LSM1: variants seen among roughly 807,000 people sequenced by gnomAD.
LSM1 encodes LSM1 homolog, mRNA degradation associated, also known as U6 snRNA-associated Sm-like protein LSm1.
LSM1 carries 13 observed loss-of-function variants against 18.0 expected under a neutral mutation model. That is an observed-to-expected ratio of 0.72 (90% CI 0.47 to 1.15). The LOEUF is 1.15. LSM1 is among the 50% of genes most tolerant of loss of function. The pLI is 0.00. For missense variants in LSM1, 152 were observed against 157.7 expected, an observed-to-expected ratio of 0.96 and a Z score of 0.19; for synonymous variants, 46 against 56.0, an observed-to-expected ratio of 0.82 and a Z score of 0.80.
chr8:38,171,389 A>G (rs766264747), intron 2 of LSM1, among the ~76,000 whole-genome samples: 1 of 152,202 alleles, frequency 6.6e-6, no homozygotes, highest in Non-Finnish European at 1.5e-5. Flanking sequence ...ACACCAAGGG[A>G]CTGTCCTAAA....
chr8:38,172,261 G>C (rs930082537), intron 1 of LSM1, among the ~76,000 whole-genome samples: 26 of 151,692 alleles, frequency 1.7e-4, no homozygotes, highest in African/African-American at 5.8e-4. Flanking sequence ...ACAGGGCGTG[G>C]CACCAGGAAG....
intron 2 of LSM1, among the ~76,000 whole-genome samples, chr8:38,170,332 G>A (rs936865969): frequency 5.3e-5 from 8 of 152,110 alleles, no homozygotes; most frequent in Non-Finnish European, 2.9e-5. Context: ...CCACAGTGCC[G>A]GGCCCCCAAG....
chr8:38,171,484 T>A (rs1181180036), intron 2 of LSM1, among the ~76,000 whole-genome samples: 1 of 152,188 alleles, frequency 6.6e-6, no homozygotes, highest in Non-Finnish European at 1.5e-5. Context: ...CTGGCCAACA[T>A]GGCGAAACCC....
rs151088048 is a variant in LSM1 at position 38,167,618 on chromosome 8, C to T, written c.231+2184G>A. Among the ~76,000 whole-genome samples, 145 of 152,286 alleles carry T rather than the reference C, an allele frequency of 9.5e-4. 1 individual carries two copies. The highest frequency in any genetic ancestry group is 3.3e-3 in the African/African-American group (137 of 41,546). ...CCTCCCAAAGTACTGGGATTACAGA[C>T]GTGAGCCACTGCACCCACCCCAGTA... On this transcript the variant is annotated intron_variant, in intron 3 of 3. Transcript: ENST00000311351.
At chr8:38,176,249 C>A (rs755722694) in intron 1 of LSM1, 26 bp downstream of exon 1, 1 of 1,610,134 alleles carries the variant, frequency 6.2e-7, no homozygotes, top group Non-Finnish European at 8.5e-7. Context: ...ACCCCGGGCT[C>A]CACCGGGAGG....
At chr8:38,173,471 A>G (rs1233521769) in intron 1 of LSM1, among the ~76,000 whole-genome samples, 1 of 152,146 alleles carries the variant, frequency 6.6e-6, no homozygotes, top group Admixed American at 6.5e-5. Context: ...GGGAAAGAAC[A>G]GTAGATAAAG....
In LSM1 at chr8:38,163,748, T is replaced by C; in HGVS notation, c.324A>G (p.Glu108=). The C allele has an allele frequency of 6.2e-7, 1 of 1,614,182 alleles. No homozygotes were observed. Among genetic ancestry groups the C allele is most frequent in the South Asian group, 1.1e-5 (1 of 91,078 alleles). Residue 108 remains glutamate, a synonymous_variant, in exon 4 of 4, where the codon GAA becomes GAG. Transcript: ENST00000311351. ...GGGCCTGCACTTTCAACTTCTCTGCTTCCAGCTTGGTCTGCTGTTCCACCC... is the reference window on the plus strand; with the variant it reads ...GGGCCTGCACTTTCAACTTCTCTGCCTCCAGCTTGGTCTGCTGTTCCACCC... ...EQRVEQQTKL[E]AEKLKVQALK...
intron 1 of LSM1, among the ~76,000 whole-genome samples, chr8:38,174,245 C>G (rs766883258): frequency 6.6e-6 from 1 of 151,854 alleles, no homozygotes; most frequent in Non-Finnish European, 1.5e-5. Flanking sequence ...GATGGATAGA[C>G]AGTAACACAT....
upstream of LSM1, chr8:38,176,565 C>T: frequency 1.7e-6 from 1 of 576,742 alleles, no homozygotes; most frequent in Non-Finnish European, 3.1e-6. Flanking sequence ...TTGGGGGACA[C>T]CCTTTCCCTG....
At chr8:38,171,408 G>A (rs1803028099) in intron 2 of LSM1, among the ~76,000 whole-genome samples, 1 of 152,192 alleles carries the variant, frequency 6.6e-6, no homozygotes, top group Non-Finnish European at 1.5e-5. Flanking sequence ...AAACCATGAG[G>A]AGCAGAACAA....
Position 38,163,540 on chromosome 8 carries a change from A to T in LSM1, c.*130T>A. On this transcript the variant is annotated 3_prime_UTR_variant, in exon 4 of 4. Transcript: ENST00000311351. ...CGATTTCTTCATGTTGCATATGTAA[A>T]ATAATTAAAAATAAAAGTGACTTTT... is the stretch of plus-strand genomic sequence containing the variant. 1.3e-6 allele frequency: 1 copy of T among 761,246 alleles called. No homozygotes were observed. Among genetic ancestry groups the T allele is most frequent in the Non-Finnish European group, 2.0e-6 (1 of 489,080 alleles). The allele number at this position is 761,246 out of a possible 1,614,324, so 47.2% of individuals were successfully genotyped here.
intron 1 of LSM1, among the ~76,000 whole-genome samples, chr8:38,173,157 T>A (rs967905192): frequency 6.6e-6 from 1 of 152,170 alleles, no homozygotes; most frequent in Admixed American, 6.5e-5. Flanking sequence ...TTTCATTCCA[T>A]GCCTAAAGTA....
intron 3 of LSM1, among the ~76,000 whole-genome samples, chr8:38,165,119 C>T (rs766662181): frequency 1.3e-5 from 2 of 152,040 alleles, no homozygotes; most frequent in African/African-American, 4.8e-5. Context: ...GAAGCCGAGG[C>T]GGGCAGATCA....
At chr8:38,175,045 G>A (rs375073253) in intron 1 of LSM1, among the ~76,000 whole-genome samples, 126 of 124,816 alleles carry the variant, frequency 1.0e-3, no homozygotes, top group Middle Eastern at 8.4e-3. Context: ...AAAAAAAAAA[G>A]AAAAGAAAAG....
At chr8:38,165,329 G>C (rs1049365300) in intron 3 of LSM1, among the ~76,000 whole-genome samples, 3 of 151,714 alleles carry the variant, frequency 2.0e-5, no homozygotes, top group Non-Finnish European at 4.4e-5. Context: ...CTCTAGCCTG[G>C]GTGACAAGAG....
chr8:38,175,004 C>T (rs1335520100), intron 1 of LSM1, among the ~76,000 whole-genome samples: 1 of 118,252 alleles, frequency 8.5e-6, no homozygotes, highest in Non-Finnish European at 1.7e-5. Flanking sequence ...ACAGCCTGGG[C>T]GACAGAGCAA....
intron 1 of LSM1, chr8:38,175,961 C>G: frequency 3.3e-6 from 1 of 306,966 alleles, no homozygotes; most frequent in Non-Finnish European, 6.1e-6. Context: ...GAGAAGCCCC[C>G]CCCCTCCCCG....
intron 3 of LSM1, 57 bp downstream of exon 3, chr8:38,169,745 A>C: frequency 1.0e-6 from 1 of 978,982 alleles, no homozygotes; most frequent in Non-Finnish European, 1.6e-6. Flanking sequence ...AGACAAAAAA[A>C]GAAGTCTAAC....
chr8:38,169,893 A>G lies in LSM1; in HGVS notation c.140T>C (p.Val47Ala). 6 of 1,612,592 alleles carry G rather than the reference A, an allele frequency of 3.7e-6. 1 individual carries two copies. In the South Asian group the frequency reaches 6.6e-5, roughly 18 times the overall value. Residue 47 changes from valine to alanine, a missense_variant, in exon 3 of 4, where the codon GTG becomes GCG. Physicochemically the swap from Val to Ala is moderately conservative, Grantham distance 64. Transcript: ENST00000311351. ...TTTTTTGCCCACATGAATACGCTCC[A>G]CAGTCTGATGTAGCACTAAGTTTGC... ...QFANLVLHQT[V>A]ERIHVGKKYG...
Sources: allele counts gnomAD v4.1 joint callset (sites outside exome capture counted in the v4.1 genomes callset), GRCh38; gene constraint gnomAD v4.1.1; transcripts MANE v1.5; gene names NCBI Gene and HGNC (gene_info 2026-07-23, HGNC 2026-07-21).